STK3: variants seen among roughly 807,000 people sequenced by gnomAD.
STK3 encodes serine/threonine-protein kinase 3.
STK3 carries 41 observed loss-of-function variants against 58.0 expected under a neutral mutation model. The ratio of observed to expected loss-of-function variants is 0.71; its 90% confidence interval spans 0.55 to 0.92. STK3 has a LOEUF of 0.92. Among genes scored for constraint, STK3 ranks in the 40% least tolerant of loss-of-function variants. STK3 has a pLI of 0.00. For missense variants in STK3, 479 were observed against 602.7 expected, an observed-to-expected ratio of 0.79 and a Z score of 2.15; for synonymous variants, 170 against 191.0, an observed-to-expected ratio of 0.89 and a Z score of 0.91.
intron 3 of STK3, among the ~76,000 whole-genome samples, chr8:98,401,863 C>T (rs890529250): frequency 6.6e-6 from 1 of 152,092 alleles, no homozygotes; most frequent in Admixed American, 6.5e-5. Context: ...ATCAAGAATC[C>T]AGCCTTTACT....
At chr8:98,377,529 T>C (rs576938372) in intron 2 of STK3, among the ~76,000 whole-genome samples, 1 of 151,870 alleles carries the variant, frequency 6.6e-6, no homozygotes, top group Admixed American at 6.5e-5. Flanking sequence ...AAGACAAATA[T>C]ATTATAAATT....
At chr8:98,656,623 C>T (rs533057085) in intron 6 of STK3, among the ~76,000 whole-genome samples, 2 of 151,976 alleles carry the variant, frequency 1.3e-5, no homozygotes, top group Admixed American at 6.6e-5. Context: ...ACTTGATATT[C>T]TTTAATTTAT....
chr8:98,890,998 G>A (rs1359858943), intron 1 of STK3, among the ~76,000 whole-genome samples: 1 of 152,198 alleles, frequency 6.6e-6, no homozygotes, highest in Non-Finnish European at 1.5e-5. Flanking sequence ...CATGATGTCC[G>A]ACTTACAAAT....
intron 6 of STK3, among the ~76,000 whole-genome samples, chr8:98,610,478 T>C (rs1434272963): frequency 2.0e-5 from 3 of 152,144 alleles, no homozygotes; most frequent in African/African-American, 4.8e-5. Flanking sequence ...ATAGCATCCA[T>C]TGATTTTCTT....
chr8:98,810,915 T>C (rs1213666524), intron 1 of STK3, among the ~76,000 whole-genome samples: 1 of 152,102 alleles, frequency 6.6e-6, no homozygotes, highest in Non-Finnish European at 1.5e-5. Flanking sequence ...TCTTCTCTCT[T>C]GGTCCCTCTC....
chr8:98,546,541 C>T (rs1489090892), intron 9 of STK3, among the ~76,000 whole-genome samples: 1 of 152,098 alleles, frequency 6.6e-6, no homozygotes, highest in African/African-American at 2.4e-5. Flanking sequence ...AAAATTATAT[C>T]AGCTTATGGA....
the STK3 span, among the ~76,000 whole-genome samples, chr8:98,349,713 G>A: frequency 6.6e-6 from 1 of 152,222 alleles, no homozygotes; most frequent in Non-Finnish European, 1.5e-5. Context: ...CTGTGTACCT[G>A]CAGGCTCAAC....
rs886413656 is a variant in STK3 at position 98,800,926 on chromosome 8, T to C, written c.26+24589A>G. ...CTCCCCAACAGGCGCTGGCCCCTGC[T>C]CCACGGCGTCCGGTCCCATAAACCG... is the stretch of plus-strand genomic sequence containing the variant. On this transcript the variant is annotated intron_variant, in intron 1 of 10. Transcript: ENST00000419617. The surrounding 1 kb of genome is among the most constrained non-coding windows in gnomAD (Gnocchi z 4.8). Among the ~76,000 whole-genome samples, 12 of 152,206 alleles carry C rather than the reference T, an allele frequency of 7.9e-5. No individual in the cohort carries two copies. The highest frequency in any genetic ancestry group is 2.9e-4 in the African/African-American group (12 of 41,452).
At chr8:98,618,245 C>T (rs1000150067) in intron 6 of STK3, among the ~76,000 whole-genome samples, 5 of 150,166 alleles carry the variant, frequency 3.3e-5, no homozygotes, top group Non-Finnish European at 7.4e-5. Flanking sequence ...CAGAAAAAGC[C>T]TTTGACAAAA....
chr8:98,696,201 G>C (rs1824904390), intron 6 of STK3, among the ~76,000 whole-genome samples: 1 of 152,202 alleles, frequency 6.6e-6, no homozygotes, highest in Non-Finnish European at 1.5e-5. Flanking sequence ...TTTGCACATT[G>C]ATTTTGTATC....
chr8:98,873,112 G>A (rs954494899), intron 3 of STK3, among the ~76,000 whole-genome samples: 6 of 152,118 alleles, frequency 3.9e-5, no homozygotes, highest in South Asian at 2.1e-4. Flanking sequence ...TAGTCATTCA[G>A]GAGCAGGTTG....
At chr8:98,437,709 G>A (rs1818542157) in intron 1 of STK3, 1 of 152,178 alleles carries the variant, frequency 6.6e-6, no homozygotes, top group East Asian at 1.9e-4. Context: ...TGATTTTTCT[G>A]GCAAACTTTG....
chr8:98,688,471 T>C (rs1256822795), intron 6 of STK3, among the ~76,000 whole-genome samples: 1 of 152,154 alleles, frequency 6.6e-6, no homozygotes, highest in East Asian at 1.9e-4. Flanking sequence ...AGAATATACA[T>C]TCTTCTCATA....
downstream of STK3, chr8:98,883,390 G>C: frequency 2.6e-6 from 1 of 377,564 alleles, no homozygotes; most frequent in Non-Finnish European, 5.0e-6. Context: ...TATGGATTAG[G>C]CTGGCCTGCC....
intron 9 of STK3, among the ~76,000 whole-genome samples, chr8:98,533,461 T>G (rs1809484808): frequency 6.6e-6 from 1 of 152,100 alleles, no homozygotes; most frequent in Non-Finnish European, 1.5e-5. Context: ...TGTATGTATG[T>G]ATGTATGGAT....
intron 6 of STK3, among the ~76,000 whole-genome samples, chr8:98,643,487 A>AT (rs1386514193): frequency 6.6e-6 from 1 of 152,240 alleles, no homozygotes; most frequent in African/African-American, 2.4e-5. Flanking sequence ...TTTAGCTTAG[A>AT]TATCTCCTTC....
At chr8:98,582,748 C>G (rs1158837172) in intron 7 of STK3, among the ~76,000 whole-genome samples, 1 of 152,016 alleles carries the variant, frequency 6.6e-6, no homozygotes, top group Non-Finnish European at 1.5e-5. Flanking sequence ...ACATACTTTT[C>G]TAAGCATTTA....
At chr8:98,757,710 TTA>T (rs957326270) in intron 3 of STK3, among the ~76,000 whole-genome samples, 17 of 152,010 alleles carry the variant, frequency 1.1e-4, no homozygotes, top group African/African-American at 4.1e-4. Context: ...TCACATTTAT[TTA>T]TCTTTTTTTT....
At chr8:98,595,623 T>G (rs1414220862) in intron 7 of STK3, 1 of 153,004 alleles carries the variant, frequency 6.5e-6, no homozygotes, top group Non-Finnish European at 1.5e-5. Flanking sequence ...CAAAAAAAAT[T>G]GAAACTCTGA....
Sources: allele counts gnomAD v4.1 joint callset (sites outside exome capture counted in the v4.1 genomes callset), GRCh38; gene constraint gnomAD v4.1.1; non-coding constraint Gnocchi (gnomAD v3.1); transcripts MANE v1.5; gene names NCBI Gene and HGNC (gene_info 2026-07-23, HGNC 2026-07-21).